THBS3: variants seen among roughly 807,000 people sequenced by gnomAD.
THBS3 encodes thrombospondin-3.
In THBS3, 78 loss-of-function variants were observed where a neutral mutation model predicts 118.3. The observed-to-expected ratio is 0.66, with a 90% CI of 0.55 to 0.80. THBS3 has a LOEUF of 0.80. Among genes scored for constraint, THBS3 ranks in the 30% least tolerant of loss-of-function variants. THBS3 has a pLI of 0.00. For missense variants in THBS3, 1,057 were observed against 1,247.4 expected, an observed-to-expected ratio of 0.85 and a Z score of 2.30; for synonymous variants, 427 against 475.3, an observed-to-expected ratio of 0.90 and a Z score of 1.32.
intron 15 of THBS3, 38 bp from the exon 16 acceptor site, chr1:155,199,894 A>G: frequency 6.2e-7 from 1 of 1,613,994 alleles, no homozygotes; most frequent in Non-Finnish European, 8.5e-7. Context: ...TCTCCTCTTG[A>G]TAACTCTGAA....
chr1:155,206,527 A>C lies in THBS3; in HGVS notation c.80-121T>G. ...GCAGCGTTAGTCACCTCAAAATTCA[A>C]CCCTTGGCTGGGCATGGTGGCTCGC... On this transcript the variant is annotated intron_variant, in intron 1 of 22. Coordinates refer to ENST00000368378, the MANE Select transcript of THBS3 (RefSeq NM_007112.5). This position sits in a 1 kb window ranked among gnomAD's most constrained non-coding sequence, Gnocchi z 4.2. The C allele has an allele frequency of 3.5e-6, 3 of 845,734 alleles. No homozygotes were observed. Among genetic ancestry groups the C allele is most frequent in the African/African-American group, 1.7e-5 (1 of 59,492 alleles). The allele number at this position is 845,734 out of a possible 1,614,324, so 52.4% of individuals were successfully genotyped here.
upstream of THBS3, chr1:155,207,983 GC>G: frequency 2.0e-6 from 1 of 501,486 alleles, no homozygotes; most frequent in East Asian, 6.9e-5. Flanking sequence ...TGGAGGGGGG[GC>G]CAGCAGGCGG....
At chr1:155,201,358 T>C (rs1355552865) in intron 11 of THBS3, 59 bp downstream of exon 11, 2 of 1,567,920 alleles carry the variant, frequency 1.3e-6, no homozygotes, top group African/African-American at 2.7e-5. Flanking sequence ...GCCCTAAACA[T>C]AGCCCTACTC....
chr1:155,201,149 T>C lies in THBS3; in HGVS notation c.1385A>G (p.Asp462Gly). 6.2e-7 allele frequency: 1 copy of C among 1,614,154 alleles called. No homozygotes were observed. The change falls in exon 12 of 23, where the codon GAT (aspartate) becomes GGT (glycine). Residue 462 changes from aspartate to glycine, a missense_variant. Coordinates refer to ENST00000368378, the MANE Select transcript of THBS3 (RefSeq NM_007112.5). ...GGGCAGTGCTTGGTCTGGGTAGCCA[T>C]CGATGTCTGTGTCAGTCCCACACAC... Reference protein sequence around the residue: ...GNVCGTDTDIDGYPDQALPCM... With the variant: ...GNVCGTDTDIGGYPDQALPCM...
Position 155,206,096 on chromosome 1 carries a change from C to A in THBS3, c.286+104G>T. On this transcript the variant is annotated intron_variant, in intron 2 of 22. Transcript: ENST00000368378. The surrounding 1 kb of genome is among the most constrained non-coding windows in gnomAD (Gnocchi z 4.2). ...GGGCACAGCCTGATGGGACCTTGGTCCCTAGTGGAGGCCAAGGAGAATGAG... is the reference window on the plus strand; with the variant it reads ...GGGCACAGCCTGATGGGACCTTGGTACCTAGTGGAGGCCAAGGAGAATGAG... The A allele has an allele frequency of 7.3e-7, 1 of 1,375,892 alleles. No individual in the cohort carries two copies. The highest frequency in any genetic ancestry group is 2.5e-4 in the Middle Eastern group (1 of 3,928). 85.2% of individuals were successfully genotyped at this position (1,375,892 alleles called of 1,614,324 possible).
In THBS3 at chr1:155,203,509, T is replaced by G; in HGVS notation, c.673+4A>C. ...CCGCTTCCGCTTCAGTGTGGCCTACTCACCTAGAATGGAGTGCAGTGCATT... is the reference window on the plus strand; with the variant it reads ...CCGCTTCCGCTTCAGTGTGGCCTACGCACCTAGAATGGAGTGCAGTGCATT... On this transcript the variant is annotated splice_donor_region_variant and intron_variant, in intron 5 of 22. Transcript: ENST00000368378. 6.2e-7 allele frequency: 1 copy of G among 1,613,634 alleles called. No individual in the cohort carries two copies. Among genetic ancestry groups the G allele is most frequent in the Non-Finnish European group, 8.5e-7 (1 of 1,179,934 alleles).
At chr1:155,201,331 G>T in intron 11 of THBS3, 86 bp downstream of exon 11, 1 of 1,571,556 alleles carries the variant, frequency 6.4e-7, no homozygotes, top group South Asian at 1.2e-5. Flanking sequence ...TCTCTCCTAT[G>T]AAGACCCCCA....
At position 155,197,484 on chromosome 1, in the gene THBS3, G is replaced by C. The variant is rs1236459663; in HGVS notation, c.2478C>G (p.Ala826=). ...GGACCTTGAGCTGCAGCCCGGGCTG[G>C]GCAACCGCCCGGAAGGGTGTAGCCT... The part of the protein sequence containing the change: ...YWQATPFRAV[A]QPGLQLKAVT... Residue 826 remains alanine (A), a synonymous_variant, in exon 20 of 23, where the codon GCC becomes GCG. Coordinates refer to ENST00000368378, the MANE Select transcript of THBS3 (RefSeq NM_007112.5). This position sits in a 1 kb window ranked among gnomAD's most constrained non-coding sequence, Gnocchi z 5.0. The C allele has an allele frequency of 2.5e-6, 4 of 1,613,368 alleles. No individual in the cohort carries two copies. The highest frequency in any genetic ancestry group is 8.5e-7 in the Non-Finnish European group (1 of 1,179,964).
chr1:155,201,603 G>A, intron 10 of THBS3, 34 bp from the exon 11 acceptor site: 1 of 1,602,562 alleles, frequency 6.2e-7, no homozygotes, highest in African/African-American at 1.3e-5. Flanking sequence ...TAGGAAGGAG[G>A]GTGAGCCCAC....
chr1:155,203,560 TAGTC>T (rs1373510109), intron 4 of THBS3, 21 bp from the exon 5 acceptor site: 7 of 1,612,722 alleles, frequency 4.3e-6, no homozygotes, highest in Admixed American at 3.3e-5. Context: ...GAAGAAAACA[TAGTC>T]AGAGGGGTGA....
chr1:155,201,707 A>T, intron 10 of THBS3, 138 bp from the exon 11 acceptor site: 1 of 1,087,968 alleles, frequency 9.2e-7, no homozygotes, highest in Non-Finnish European at 1.3e-6. Context: ...GGTTATCATG[A>T]CAACCTTTCA....
rs756609527 is a variant in THBS3 at position 155,206,208 on chromosome 1, A to T, written c.278T>A (p.Ile93Asn). 10 of 1,613,910 alleles carry T rather than the reference A, an allele frequency of 6.2e-6. No homozygotes were observed. The highest frequency in any genetic ancestry group is 4.4e-5 in the South Asian group (4 of 91,078). ...RWLEASVVGKINKVLVRYQRE... is the reference protein window; with the variant it reads ...RWLEASVVGKNNKVLVRYQRE... ...AGATGCCCACCAGTCACCTTTGTTG[A>T]TCTTGCCTACAACAGAGGCCTCCAG... Residue 93 changes from isoleucine (I) to asparagine (N), a missense_variant, in exon 2 of 23, where the codon ATC (isoleucine) becomes AAC (asparagine). Ile to Asn is a moderately radical substitution (Grantham distance 149, BLOSUM62 -3). Coordinates refer to ENST00000368378, the MANE Select transcript of THBS3 (RefSeq NM_007112.5). The surrounding 1 kb of genome is among the most constrained non-coding windows in gnomAD (Gnocchi z 4.2).
rs41302117 is a variant in THBS3, at chr1:155,197,478, G to T, written c.2484C>A (p.Pro828=). The change falls in exon 20 of 23, where the codon CCC becomes CCA. Residue 828 remains proline (P), a synonymous_variant. Transcript: ENST00000368378. The surrounding 1 kb of genome is among the most constrained non-coding windows in gnomAD (Gnocchi z 5.0). ...QATPFRAVAQ[P]GLQLKAVTSV... ...AGCTGGGGACCTTGAGCTGCAGCCC[G>T]GGCTGGGCAACCGCCCGGAAGGGTG... is the stretch of plus-strand genomic sequence containing the variant. 3.7e-6 allele frequency: 6 copies of T among 1,613,188 alleles called. No homozygotes were observed. In the African/African-American group the frequency reaches 4.0e-5, roughly 11 times the overall value.
chr1:155,201,940 C>T lies in THBS3; in HGVS notation c.1176+17G>A, dbSNP rs1432079170. The T allele has an allele frequency of 1.9e-6, 3 of 1,613,852 alleles. No homozygotes were observed. The highest frequency in any genetic ancestry group is 8.5e-7 in the Non-Finnish European group (1 of 1,180,014). On this transcript the variant is annotated intron_variant, in intron 10 of 22. Transcript: ENST00000368378. ...CATTCCCACCACCCCAGAATACACT[C>T]AGGATATTCAGCTCACCACAGTGTT...
Position 155,202,792 on chromosome 1 carries a change from T to A in THBS3, c.957+20A>T. On this transcript the variant is annotated intron_variant, in intron 8 of 22. Coordinates refer to ENST00000368378, the MANE Select transcript of THBS3 (RefSeq NM_007112.5). This position sits in a 1 kb window ranked among gnomAD's most constrained non-coding sequence, Gnocchi z 5.5. The stretch of plus-strand genomic sequence containing the variant: ...CTCACCCCAGTTTTCTGTACCCTTC[T>A]GGGCTCTGACCTCCCTCACCTCATT... The A allele has an allele frequency of 6.2e-7, 1 of 1,602,306 alleles. No individual in the cohort carries two copies.
In THBS3 at chr1:155,202,956, G is replaced by A. The variant is rs1670004341; in HGVS notation, c.813C>T (p.Phe271=). ...GGCTGCAGTGGGAACGCTGCTCATG[G>A]AAGCCTGAGGGGTGGACACAGTCAG... ...NTIMECQVCG[F]HEQRSHCSPN... The change falls in exon 8 of 23, where the codon TTC becomes TTT. Residue 271 remains phenylalanine, a synonymous_variant. Transcript: ENST00000368378. This position sits in a 1 kb window ranked among gnomAD's most constrained non-coding sequence, Gnocchi z 5.5. 3 of 1,613,984 alleles carry A rather than the reference G, an allele frequency of 1.9e-6. No individual in the cohort carries two copies. Among genetic ancestry groups the A allele is most frequent in the Non-Finnish European group, 2.5e-6 (3 of 1,179,992 alleles).
Position 155,198,459 on chromosome 1 carries a change from CCAGGAGG to C in THBS3, c.2017_2023del (p.Pro673ValfsTer47). 1 of 1,614,178 alleles carries C rather than the reference CCAGGAGG, an allele frequency of 6.2e-7. No individual in the cohort carries two copies. The highest frequency in any genetic ancestry group is 8.5e-7 in the Non-Finnish European group (1 of 1,180,026). ...GGGTACCAGGCGGCAGTTATCGGGA[CCAGGAGG>C]CACATAATCTGGGATGCCATCATTG... is the stretch of plus-strand genomic sequence containing the variant. On this transcript the variant is annotated frameshift_variant, in exon 17 of 23. Coordinates refer to ENST00000368378, the MANE Select transcript of THBS3 (RefSeq NM_007112.5). LOFTEE classifies it high-confidence loss of function.
rs766391812 is a variant in THBS3 at position 155,201,122 on chromosome 1, C to T, written c.1412G>A (p.Cys471Tyr). 28 of 1,614,106 alleles carry T rather than the reference C, an allele frequency of 1.7e-5. No homozygotes were observed. The highest frequency in any genetic ancestry group is 4.2e-6 in the Non-Finnish European group (5 of 1,180,052). Residue 471 changes from cysteine (C) to tyrosine (Y), a missense_variant, in exon 12 of 23, where the codon TGC becomes TAC. By Grantham distance (194) the Cys-to-Tyr change is radical. Transcript: ENST00000368378. ...TTTGCAGTGTTTGTTGTTGTCCATG[C>T]AGGGCAGTGCTTGGTCTGGGTAGCC... ...IDGYPDQALP[C>Y]MDNNKHCKQD...
At position 155,202,854 on chromosome 1, in the gene THBS3, A is replaced by AG. The variant is rs757853564; in HGVS notation, c.914dup (p.Gly306TrpfsTer11). 2 of 1,613,550 alleles carry AG rather than the reference A, an allele frequency of 1.2e-6. No homozygotes were observed. Among genetic ancestry groups the AG allele is most frequent in the Non-Finnish European group, 8.5e-7 (1 of 1,179,964 alleles). On this transcript the variant is annotated frameshift_variant, in exon 8 of 23. Transcript: ENST00000368378. LOFTEE classifies it high-confidence loss of function. The surrounding 1 kb of genome is among the most constrained non-coding windows in gnomAD (Gnocchi z 5.5). ...AGTGGGTGCCGTTGCCCTGCAGGCCAGGGGGGCAGGGCCCACAGCGGTAGC... is the reference window on the plus strand; with the variant it reads ...AGTGGGTGCCGTTGCCCTGCAGGCCAGGGGGGGCAGGGCCCACAGCGGTAGC...
Sources: gnomAD v4.1 joint callset for allele counts on GRCh38, gnomAD v4.1.1 for gene constraint, Gnocchi (gnomAD v3.1) non-coding constraint, MANE v1.5 for transcripts, NCBI Gene and HGNC (gene_info 2026-07-23, HGNC 2026-07-21) for gene names.